The following EPS15L1 variants were observed in gnomAD, a reference collection of about 807,000 sequenced individuals.
EPS15L1 encodes epidermal growth factor receptor substrate 15-like 1.
A neutral mutation model predicts 117.1 loss-of-function variants in EPS15L1; 43 were observed. The observed-to-expected ratio is 0.37, with a 90% confidence interval of 0.29 to 0.47. The LOEUF (loss-of-function observed/expected upper bound fraction) is 0.47. Ranked by LOEUF, EPS15L1 falls within the 20% of genes least tolerant of loss-of-function variation. The pLI is 0.99. For missense variants in EPS15L1, 981 were observed against 1,164.0 expected, an observed-to-expected ratio of 0.84 and a Z score of 2.29; for synonymous variants, 459 against 470.5, an observed-to-expected ratio of 0.98 and a Z score of 0.32.
At chr19:16,396,964 T>A (rs1013716673) in intron 16 of EPS15L1, among the ~76,000 whole-genome samples, 1 of 151,916 alleles carries the variant, frequency 6.6e-6, no homozygotes. Context: ...GGATGGGGAG[T>A]GGGTATTTCA....
At chr19:16,425,001 T>C in intron 9 of EPS15L1, 82 bp downstream of exon 9, 7 of 1,207,668 alleles carry the variant, frequency 5.8e-6, no homozygotes, top group Non-Finnish European at 8.6e-6. Flanking sequence ...AGCTTGACCG[T>C]TCTGGGGTTG....
At position 16,468,841 on chromosome 19, in the gene EPS15L1, A is replaced by C. The variant is rs2093325316; in HGVS notation, c.33+3072T>G. 2.0e-5 allele frequency among the ~76,000 whole-genome samples: 3 copies of C among 152,172 alleles called. No homozygotes were observed. In the South Asian group the frequency reaches 6.2e-4, roughly 31 times the overall value. On this transcript the variant is annotated intron_variant, in intron 1 of 23. Transcript: ENST00000455140. ...TGCCTAGGCAGCATAGCAAGACTTC[A>C]TCTCTTCAAAAAAAAAATTGTTTAA...
At chr19:16,378,406 A>C (rs1283681096) in intron 21 of EPS15L1, among the ~76,000 whole-genome samples, 1 of 151,918 alleles carries the variant, frequency 6.6e-6, no homozygotes, top group Non-Finnish European at 1.5e-5. Flanking sequence ...TGCAACACTC[A>C]GGTCTCCTGC....
chr19:16,454,717 A>G (rs2093178525), intron 1 of EPS15L1, among the ~76,000 whole-genome samples: 1 of 152,194 alleles, frequency 6.6e-6, no homozygotes, highest in African/African-American at 2.4e-5. Context: ...AAGCAAGAGA[A>G]CTGCCCCGAG....
chr19:16,441,678 G>T, intron 3 of EPS15L1: 1 of 339,374 alleles, frequency 2.9e-6, no homozygotes, highest in Non-Finnish European at 5.3e-6. Context: ...GACCCCAAAA[G>T]TACTCGGGTT....
intron 22 of EPS15L1, among the ~76,000 whole-genome samples, chr19:16,375,456 T>G (rs1389795516): frequency 7.5e-6 from 1 of 132,746 alleles, no homozygotes; most frequent in African/African-American, 2.9e-5. Flanking sequence ...TGCATTGTGA[T>G]TATGCATATA....
chr19:16,414,713 T>G (rs903284057), intron 12 of EPS15L1, among the ~76,000 whole-genome samples: 18 of 129,622 alleles, frequency 1.4e-4, no homozygotes, highest in African/African-American at 4.6e-4. Flanking sequence ...TTTGGTTTTG[T>G]TTTTTTTTTT....
chr19:16,377,093 G>T (rs745848856), intron 22 of EPS15L1, 29 bp downstream of exon 22: 4 of 1,575,718 alleles, frequency 2.5e-6, no homozygotes, highest in Middle Eastern at 1.8e-4. Context: ...CCGGTAGGCG[G>T]TGGCTGCGAG....
chr19:16,436,353 A>G (rs1188200547), intron 6 of EPS15L1, among the ~76,000 whole-genome samples: 1 of 152,200 alleles, frequency 6.6e-6, no homozygotes, highest in East Asian at 1.9e-4. Flanking sequence ...GGAATTCTGT[A>G]CTTAGAAGAC....
chr19:16,416,442 C>T (rs944699889), intron 12 of EPS15L1, among the ~76,000 whole-genome samples: 1 of 152,098 alleles, frequency 6.6e-6, no homozygotes, highest in African/African-American at 2.4e-5. Context: ...TCGAGACCAG[C>T]CTGGGCAACA....
Position 16,417,990 on chromosome 19 carries a change from C to A in EPS15L1, c.1065G>T (p.Ser355=), listed in dbSNP as rs138734142. The A allele has an allele frequency of 5.6e-5, 90 of 1,614,150 alleles. No individual in the cohort carries two copies. Among genetic ancestry groups the A allele is most frequent in the Non-Finnish European group, 7.6e-5 (90 of 1,180,020 alleles). ...SKGIDPPQVL[S]PDMVPPSERG... ...TCTCCGAAGGCGGGACCATGTCCGG[C>A]GAGAGGACTTGAGGAGGGTCGATGC... The change falls in exon 11 of 24, where the codon TCG becomes TCT. Residue 355 remains serine, a synonymous_variant. Coordinates refer to ENST00000455140, the MANE Select transcript of EPS15L1 (RefSeq NM_001258374.3).
At chr19:16,428,377 C>CA (rs1213684745) in intron 8 of EPS15L1, among the ~76,000 whole-genome samples, 304 of 68,572 alleles carry the variant, frequency 4.4e-3, no homozygotes, top group African/African-American at 0.011. Flanking sequence ...CATCTAAAAA[C>CA]AAAAAAAAAA....
chr19:16,376,786 AGGGCGTC>A (rs2092301500), intron 22 of EPS15L1, among the ~76,000 whole-genome samples: 1 of 152,222 alleles, frequency 6.6e-6, no homozygotes, highest in Non-Finnish European at 1.5e-5. Context: ...AAGTATAGCC[AGGGCGTC>A]GGGGTGGCAC....
chr19:16,459,867 T>C (rs761463557), intron 1 of EPS15L1, among the ~76,000 whole-genome samples: 11 of 152,224 alleles, frequency 7.2e-5, no homozygotes, highest in African/African-American at 2.4e-4. Context: ...GCCCTGCCAA[T>C]TGATCTTTGC....
At chr19:16,465,512 G>A (rs1889338279) in intron 1 of EPS15L1, among the ~76,000 whole-genome samples, 1 of 151,998 alleles carries the variant, frequency 6.6e-6, no homozygotes, top group Non-Finnish European at 1.5e-5. Context: ...GCAAGATCCT[G>A]TCTCTACAAA....
At chr19:16,366,937 G>A (rs778667162) in intron 22 of EPS15L1, among the ~76,000 whole-genome samples, 3 of 151,866 alleles carry the variant, frequency 2.0e-5, no homozygotes, top group Admixed American at 6.6e-5. Context: ...CGTTTTTTCC[G>A]ATTTTGTGAG....
intron 8 of EPS15L1, among the ~76,000 whole-genome samples, chr19:16,426,622 G>A (rs1029812514): frequency 1.3e-5 from 2 of 152,130 alleles, no homozygotes; most frequent in African/African-American, 2.4e-5. Flanking sequence ...CTAGATGACA[G>A]AGTGAGACTC....
At chr19:16,439,534 T>A (rs2145062877) in intron 4 of EPS15L1, among the ~76,000 whole-genome samples, 1 of 151,784 alleles carries the variant, frequency 6.6e-6, no homozygotes, top group Non-Finnish European at 1.5e-5. Context: ...ACAAAAAAAA[T>A]AATAAAAATT....
chr19:16,416,565 A>G (rs544961824), intron 12 of EPS15L1, among the ~76,000 whole-genome samples: 6 of 151,706 alleles, frequency 4.0e-5, no homozygotes, highest in African/African-American at 1.5e-4. Context: ...TGAGCCCAGG[A>G]GGCAGAGGCT....
Sources: gnomAD v4.1 joint callset for allele counts (sites outside exome capture counted in the v4.1 genomes callset) on GRCh38, gnomAD v4.1.1 for gene constraint, MANE v1.5 for transcripts, NCBI Gene and HGNC (gene_info 2026-07-23, HGNC 2026-07-21) for gene names.